The following TCF7L2 variants were observed in gnomAD, a reference collection of about 807,000 sequenced individuals.
TCF7L2 encodes the protein transcription factor 7 like 2, also known as transcription factor 7-like 2.
A neutral mutation model predicts 77.9 loss-of-function variants in TCF7L2; 23 were observed. That is an observed-to-expected ratio of 0.30 (90% CI 0.21 to 0.42). TCF7L2 has a LOEUF of 0.42. TCF7L2 is among the 10% of genes least tolerant of loss of function. The pLI is 1.00. For synonymous variants in TCF7L2, 413 were observed against 340.2 expected (o/e 1.21, Z -2.36); for missense variants, 654 against 793.1 (o/e 0.82, Z 2.11).
intron 4 of TCF7L2, among the ~76,000 whole-genome samples, chr10:112,967,287 A>G (rs184177937): frequency 3.3e-5 from 5 of 152,338 alleles, no homozygotes; most frequent in Non-Finnish European, 7.3e-5. Context: ...AGATTTCAAT[A>G]GAAGCTGAGC....
At chr10:113,013,179 C>T (rs1321272991) in intron 4 of TCF7L2, among the ~76,000 whole-genome samples, 5 of 135,204 alleles carry the variant, frequency 3.7e-5, no homozygotes, top group Non-Finnish European at 7.7e-5. Context: ...AGTGCAGTGG[C>T]GTGATCTCAG....
intron 5 of TCF7L2, among the ~76,000 whole-genome samples, chr10:113,071,537 C>T (rs914896745): frequency 3.9e-5 from 6 of 152,264 alleles, no homozygotes; most frequent in African/African-American, 1.2e-4. Flanking sequence ...CCCGTCCCCC[C>T]GCCACCTCTC....
chr10:113,129,421 G>A (rs1210177063), intron 5 of TCF7L2: 3 of 1,003,472 alleles, frequency 3.0e-6, no homozygotes, highest in African/African-American at 1.7e-5. Flanking sequence ...AGCTGGCTGG[G>A]GAACATGGAC....
chr10:112,980,785 C>T (rs146856541), intron 4 of TCF7L2, among the ~76,000 whole-genome samples: 3 of 152,228 alleles, frequency 2.0e-5, no homozygotes, highest in African/African-American at 7.2e-5. Flanking sequence ...CACCACCACG[C>T]CCGGCTAATT....
chr10:112,960,446 G>T (rs939134890), intron 3 of TCF7L2, among the ~76,000 whole-genome samples: 1 of 152,170 alleles, frequency 6.6e-6, no homozygotes, highest in Non-Finnish European at 1.5e-5. Flanking sequence ...TAGAATGGGG[G>T]ATGGGCTTGG....
intron 6 of TCF7L2, among the ~76,000 whole-genome samples, chr10:113,141,922 C>T (rs940592842): frequency 2.0e-5 from 3 of 152,198 alleles, no homozygotes; most frequent in African/African-American, 4.8e-5. Flanking sequence ...TACTGAAGTC[C>T]AGGCAGGTTG....
intron 4 of TCF7L2, among the ~76,000 whole-genome samples, chr10:113,035,684 G>A (rs1428577814): frequency 3.9e-5 from 6 of 152,330 alleles, no homozygotes; most frequent in East Asian, 3.9e-4. Context: ...GGCCTGAGCC[G>A]CTGCATCCAG....
At chr10:113,074,617 T>C (rs558626382) in intron 5 of TCF7L2, among the ~76,000 whole-genome samples, 1 of 152,248 alleles carries the variant, frequency 6.6e-6, no homozygotes, top group South Asian at 2.1e-4. Flanking sequence ...CAGCACCATA[T>C]TTTGCTGGGT....
chr10:113,122,320 A>G (rs1212543176), intron 5 of TCF7L2, among the ~76,000 whole-genome samples: 1 of 152,262 alleles, frequency 6.6e-6, no homozygotes, highest in East Asian at 1.9e-4. Context: ...TATTTTTAAT[A>G]TTCTATGATT....
intron 7 of TCF7L2, among the ~76,000 whole-genome samples, chr10:113,144,361 A>G (rs971118523): frequency 1.1e-4 from 17 of 152,120 alleles, no homozygotes; most frequent in Admixed American, 3.9e-4. Context: ...CTTCCACCCA[A>G]TGAAGCTGGT....
intron 4 of TCF7L2, among the ~76,000 whole-genome samples, chr10:112,982,334 C>T (rs117250043): frequency 0.019 from 2,903 of 152,218 alleles, 48 homozygotes; most frequent in Non-Finnish European, 0.028. Context: ...ACTGAGAAGA[C>T]TGGCCTATCA....
intron 5 of TCF7L2, among the ~76,000 whole-genome samples, chr10:113,074,263 T>TA (rs1555012352): frequency 6.6e-6 from 1 of 151,936 alleles, no homozygotes; most frequent in East Asian, 1.9e-4. Context: ...AGATCAGAGA[T>TA]AAAAATATCA....
chr10:113,126,315 G>C (rs2065595791), intron 5 of TCF7L2, among the ~76,000 whole-genome samples: 1 of 152,180 alleles, frequency 6.6e-6, no homozygotes, highest in Admixed American at 6.5e-5. Flanking sequence ...GAGTGAAGTG[G>C]TCCCTCCAAG....
At chr10:113,013,241 C>T (rs2046769378) in intron 4 of TCF7L2, among the ~76,000 whole-genome samples, 1 of 151,428 alleles carries the variant, frequency 6.6e-6, no homozygotes, top group South Asian at 2.1e-4. Context: ...GCCTCAGCCT[C>T]CTGAATAGCT....
chr10:113,069,162 T>A (rs2057634661), intron 5 of TCF7L2, among the ~76,000 whole-genome samples: 2 of 151,554 alleles, frequency 1.3e-5, no homozygotes. Context: ...TGGAAGGGGA[T>A]GGTGGTTGCG....
chr10:113,140,258 C>T (rs1315533785), intron 5 of TCF7L2, among the ~76,000 whole-genome samples: 4 of 151,846 alleles, frequency 2.6e-5, no homozygotes, highest in Admixed American at 2.6e-4. Context: ...GTGGACTGAG[C>T]GGGAGGTGGG....
At chr10:113,072,083 G>T (rs1354408518) in intron 5 of TCF7L2, among the ~76,000 whole-genome samples, 1 of 152,136 alleles carries the variant, frequency 6.6e-6, no homozygotes, top group African/African-American at 2.4e-5. Context: ...TTGAGACGGA[G>T]TCTTGCTCTG....
chr10:112,962,311 T>G (rs1403387403), intron 3 of TCF7L2, among the ~76,000 whole-genome samples: 1 of 152,058 alleles, frequency 6.6e-6, no homozygotes, highest in East Asian at 1.9e-4. Flanking sequence ...ATCAGGCGAT[T>G]GGAAAAGAAG....
intron 3 of TCF7L2, among the ~76,000 whole-genome samples, chr10:112,963,120 T>G (rs572459824): frequency 3.9e-5 from 6 of 152,156 alleles, no homozygotes; most frequent in Non-Finnish European, 7.3e-5. Flanking sequence ...ATGTAATGTT[T>G]TCTATTTGTT....
Sources: gnomAD v4.1 joint callset for allele counts (sites outside exome capture counted in the v4.1 genomes callset) on GRCh38, gnomAD v4.1.1 for gene constraint, MANE v1.5 for transcripts, NCBI Gene and HGNC (gene_info 2026-07-23, HGNC 2026-07-21) for gene names.